The following UNC79 variants were observed in gnomAD, a reference collection of about 807,000 sequenced individuals.
UNC79 encodes the protein protein unc-79 homolog.
In UNC79, 37 loss-of-function variants were observed where a neutral mutation model predicts 283.1. The observed-to-expected ratio is 0.13, with a 90% CI of 0.10 to 0.17. The LOEUF is 0.17. Among genes scored for constraint, UNC79 ranks in the 10% least tolerant of loss-of-function variants. The pLI is 1.00. For missense variants in UNC79, 2,272 were observed against 3,211.1 expected, an observed-to-expected ratio of 0.71 and a Z score of 7.07; for synonymous variants, 1,107 against 1,200.2, an observed-to-expected ratio of 0.92 and a Z score of 1.61.
In UNC79 at chr14:93,487,649, A is replaced by T; in HGVS notation, c.620-14A>T. 1 of 1,611,940 alleles carries T rather than the reference A, an allele frequency of 6.2e-7. No individual in the cohort carries two copies. The highest frequency in any genetic ancestry group is 8.5e-7 in the Non-Finnish European group (1 of 1,178,288). ...AGATTAAATTGTGTCTAATCAAAGA[A>T]CTTTTGGTTGCAGTGGGCTCCTCAA... On this transcript the variant is annotated splice_polypyrimidine_tract_variant and intron_variant, in intron 4 of 48. Transcript: ENST00000555664.
At chr14:93,679,562 T>A (rs1237544548) in intron 41 of UNC79, among the ~76,000 whole-genome samples, 1 of 152,216 alleles carries the variant, frequency 6.6e-6, no homozygotes, top group African/African-American at 2.4e-5. Flanking sequence ...GAAGAAAGGT[T>A]TTCTTTTAAA....
At chr14:93,479,223 CCTTCCTTT>C (rs770230989) in intron 4 of UNC79, among the ~76,000 whole-genome samples, 4 of 146,912 alleles carry the variant, frequency 2.7e-5, no homozygotes, top group African/African-American at 7.6e-5. Context: ...TTCCTTCCTT[CCTTCCTTT>C]CCTTCCTTCC....
At chr14:93,510,053 A>G (rs771857673) in intron 7 of UNC79, among the ~76,000 whole-genome samples, 1 of 152,184 alleles carries the variant, frequency 6.6e-6, no homozygotes, top group Non-Finnish European at 1.5e-5. Context: ...TTAACACCAC[A>G]TGGAAGCCAC....
Position 93,531,883 on chromosome 14 carries a change from A to G in UNC79, c.1094-667A>G, listed in dbSNP as rs2060838378. ...GTGGTTCTCAGTTTTGTCCTCTGTA[A>G]AATGGGGAAATAAGATTAAATTTGT... On this transcript the variant is annotated intron_variant, in intron 10 of 48. Transcript: ENST00000555664. This position sits in a 1 kb window ranked among gnomAD's most constrained non-coding sequence, Gnocchi z 4.2. Among the ~76,000 whole-genome samples, 2 of 152,202 alleles carry G rather than the reference A, an allele frequency of 1.3e-5. 1 individual carries two copies.
intron 14 of UNC79, among the ~76,000 whole-genome samples, chr14:93,569,838 T>C (rs2063114546): frequency 6.6e-6 from 1 of 152,212 alleles, no homozygotes; most frequent in Non-Finnish European, 1.5e-5. Flanking sequence ...GGGGAGGTTT[T>C]GGGATTGGTA....
intron 2 of UNC79, among the ~76,000 whole-genome samples, chr14:93,473,458 A>G (rs1216413611): frequency 6.6e-6 from 1 of 152,238 alleles, no homozygotes; most frequent in African/African-American, 2.4e-5. Flanking sequence ...TATTATTTCT[A>G]AATTCATATG....
chr14:93,566,890 T>C (rs1224750035), intron 14 of UNC79, among the ~76,000 whole-genome samples: 1 of 152,104 alleles, frequency 6.6e-6, no homozygotes, highest in Non-Finnish European at 1.5e-5. Flanking sequence ...GTGCTGGGAT[T>C]ACAGGCTTGA....
chr14:93,552,123 A>C (rs892341434), intron 14 of UNC79, among the ~76,000 whole-genome samples: 1 of 152,272 alleles, frequency 6.6e-6, no homozygotes, highest in Non-Finnish European at 1.5e-5. Flanking sequence ...GTGATAATTA[A>C]TAAAATGCCT....
chr14:93,554,117 G>A (rs529670540), intron 14 of UNC79, among the ~76,000 whole-genome samples: 164 of 152,256 alleles, frequency 1.1e-3, no homozygotes, highest in Non-Finnish European at 1.8e-3. Flanking sequence ...TTGGGAGGCC[G>A]AGTGGGCAGA....
intron 40 of UNC79, among the ~76,000 whole-genome samples, chr14:93,666,484 T>G (rs940425046): frequency 5.3e-5 from 8 of 152,172 alleles, no homozygotes; most frequent in African/African-American, 1.9e-4. Flanking sequence ...GTTAGTCAAC[T>G]GACTTTAAGT....
At chr14:93,641,018 G>A (rs2068978825) in intron 32 of UNC79, 127 bp from the exon 36 acceptor site, 2 of 676,296 alleles carry the variant, frequency 3.0e-6, no homozygotes, top group Non-Finnish European at 5.0e-6. Context: ...CTGCAGTACA[G>A]TTGGGATGTC....
At chr14:93,506,668 G>T (rs1425923757) in intron 7 of UNC79, among the ~76,000 whole-genome samples, 1 of 151,820 alleles carries the variant, frequency 6.6e-6, no homozygotes, top group Admixed American at 6.6e-5. Flanking sequence ...TTTTTGGAGG[G>T]GTTCATAGGA....
At chr14:93,393,186 A>C (rs2054918788) in intron 1 of UNC79, among the ~76,000 whole-genome samples, 1 of 152,198 alleles carries the variant, frequency 6.6e-6, no homozygotes, top group Non-Finnish European at 1.5e-5. Context: ...CCACTTACAC[A>C]ATAACAGCAA....
chr14:93,678,697 T>C (rs528865474), intron 41 of UNC79, among the ~76,000 whole-genome samples: 47 of 152,390 alleles, frequency 3.1e-4, no homozygotes, highest in African/African-American at 1.1e-3. Context: ...GCTGCCTCTA[T>C]TGTGGTTGTC....
chr14:93,492,423 G>T (rs2058772768), intron 5 of UNC79, among the ~76,000 whole-genome samples: 1 of 152,112 alleles, frequency 6.6e-6, no homozygotes, highest in African/African-American at 2.4e-5. Flanking sequence ...GCAGTGGCAC[G>T]GCTCACTGCA....
At chr14:93,452,375 ATTTT>A (rs35284465) in intron 1 of UNC79, among the ~76,000 whole-genome samples, 4 of 108,858 alleles carry the variant, frequency 3.7e-5, no homozygotes, top group Non-Finnish European at 5.5e-5. Flanking sequence ...GGACTGCATG[ATTTT>A]TTTTTTTTTT....
At chr14:93,636,768 C>G (rs891744101) in intron 31 of UNC79, among the ~76,000 whole-genome samples, 2 of 152,224 alleles carry the variant, frequency 1.3e-5, no homozygotes, top group Non-Finnish European at 2.9e-5. Flanking sequence ...CCCCATCCCT[C>G]AGTCCAACAC....
chr14:93,417,948 T>G (rs112093222), intron 1 of UNC79, among the ~76,000 whole-genome samples: 1 of 151,814 alleles, frequency 6.6e-6, no homozygotes, highest in African/African-American at 2.4e-5. Flanking sequence ...AGTTTTCGAC[T>G]TCTTTGACTT....
At chr14:93,553,908 A>G (rs1275285403) in intron 14 of UNC79, among the ~76,000 whole-genome samples, 2 of 152,244 alleles carry the variant, frequency 1.3e-5, no homozygotes, top group Non-Finnish European at 2.9e-5. Context: ...AAGCTTGTCA[A>G]ATATCAAAAT....
Sources: allele counts gnomAD v4.1 joint callset (sites outside exome capture counted in the v4.1 genomes callset), GRCh38; gene constraint gnomAD v4.1.1; non-coding constraint Gnocchi (gnomAD v3.1); transcripts MANE v1.5; gene names NCBI Gene and HGNC (gene_info 2026-07-23, HGNC 2026-07-21).